ZSCAN5A: variants seen among roughly 807,000 people sequenced by gnomAD.
The protein encoded by ZSCAN5A is zinc finger and SCAN domain containing 5A.
Under a neutral mutation model 23.7 loss-of-function variants are expected in ZSCAN5A, and 12 were observed. The ratio of observed to expected loss-of-function variants is 0.51; its 90% CI spans 0.32 to 0.82. The LOEUF is 0.82. Ranked by LOEUF, ZSCAN5A falls within the 40% of genes least tolerant of loss-of-function variation. The pLI is 0.03. For missense variants in ZSCAN5A, 597 were observed against 617.9 expected (o/e 0.97, Z 0.36); for synonymous variants, 257 against 239.9 (o/e 1.07, Z -0.66).
chr19:56,246,900 C>A (rs150628535), intron 2 of ZSCAN5A: 9 of 1,607,922 alleles, frequency 5.6e-6, no homozygotes, highest in East Asian at 4.5e-5. Context: ...GCAAACCAGA[C>A]GCCACCTCCA....
chr19:56,222,440 G>C, intron 5 of ZSCAN5A, 114 bp from the exon 6 acceptor site: 2 of 1,558,028 alleles, frequency 1.3e-6, no homozygotes, highest in Non-Finnish European at 8.7e-7. Flanking sequence ...TCAAGCCTAA[G>C]ACATTGGACT....
chr19:56,225,017 A>T lies in ZSCAN5A; in HGVS notation c.30T>A (p.Ser10Arg), dbSNP rs2033773871. 6.2e-7 allele frequency: 1 copy of T among 1,610,218 alleles called. No homozygotes were observed. The highest frequency in any genetic ancestry group is 8.5e-7 in the Non-Finnish European group (1 of 1,177,714). The change falls in exon 3 of 6, where the codon AGT (serine) becomes AGA (arginine). Residue 10 changes from serine (S) to arginine (R), a missense_variant. Physicochemically the swap from Ser to Arg is moderately radical, Grantham distance 110. This residue lies in a region of ZSCAN5A where 72 missense variants were observed against 76.8 expected (regional missense o/e 0.94). Coordinates refer to ENST00000683990, the MANE Select transcript of ZSCAN5A (RefSeq NM_001322064.3). ...CAGGTCTGTTGCAGGATTCTCCTAG[A>T]CTCCATGAGGATGTGCAATTTGCAG... MAANCTSSW[S>R]LGESCNRPGL...
chr19:56,240,289 A>G (rs2035327939), intron 2 of ZSCAN5A, among the ~76,000 whole-genome samples: 1 of 152,190 alleles, frequency 6.6e-6, no homozygotes, highest in Non-Finnish European at 1.5e-5. Flanking sequence ...GGGAAAACCT[A>G]TGTTATTTGC....
At chr19:56,341,702 C>CAAAAAAAAAAAAAAA (rs1175628460) in intron 2 of ZSCAN5A, among the ~76,000 whole-genome samples, 6 of 53,782 alleles carry the variant, frequency 1.1e-4, no homozygotes, top group Admixed American at 2.7e-4. Context: ...TACCAAAAGG[C>CAAAAAAAAAAAAAAA]AAAAAAAAAA....
At chr19:56,337,805 T>TG (rs2041554563) in intron 2 of ZSCAN5A, among the ~76,000 whole-genome samples, 1 of 152,234 alleles carries the variant, frequency 6.6e-6, no homozygotes, top group Admixed American at 6.5e-5. Flanking sequence ...CCTTAACAGG[T>TG]GTGAAGTTTA....
chr19:56,224,880 G>A lies in ZSCAN5A; in HGVS notation c.167C>T (p.Ser56Leu), dbSNP rs150925266. The change falls in exon 3 of 6, where the codon TCG becomes TTG. Residue 56 changes from serine to leucine, a missense_variant. Physicochemically the swap from Ser to Leu is moderately radical, Grantham distance 145. Around this residue, in one of 5 missense-constraint regions of ZSCAN5A, gnomAD observed 72 missense variants for 76.8 expected, o/e 0.94. Transcript: ENST00000683990. ...TTTCCTCAGAGCCTGGATGGGGTCC[G>A]ACTCCTTCGGGCAGCTGAACATCCT... The part of the protein sequence containing the change: ...NFRMFSCPKE[S>L]DPIQALRKLT... 53 of 1,614,014 alleles carry A rather than the reference G, an allele frequency of 3.3e-5. No individual in the cohort carries two copies. The highest frequency in any genetic ancestry group is 1.3e-5 in the African/African-American group (1 of 74,894).
At chr19:56,361,355 G>T (rs1407127569) in intron 2 of ZSCAN5A, among the ~76,000 whole-genome samples, 1 of 152,190 alleles carries the variant, frequency 6.6e-6, no homozygotes, top group African/African-American at 2.4e-5. Context: ...CCATTATGGG[G>T]TATATACCCA....
chr19:56,306,055 G>A (rs1025496607), intron 2 of ZSCAN5A, among the ~76,000 whole-genome samples: 9 of 152,088 alleles, frequency 5.9e-5, no homozygotes, highest in South Asian at 2.1e-4. Flanking sequence ...TGGAAGATTA[G>A]AGCAAGCATT....
intron 2 of ZSCAN5A, among the ~76,000 whole-genome samples, chr19:56,269,774 C>A (rs1213513806): frequency 6.6e-6 from 1 of 152,168 alleles, no homozygotes; most frequent in Non-Finnish European, 1.5e-5. Context: ...GGAATGTGGG[C>A]AGCCTGTAGA....
In ZSCAN5A at chr19:56,224,869, G is replaced by A. The variant is rs867974029; in HGVS notation, c.178C>T (p.Gln60Ter). Reference protein sequence around the residue: ...FSCPKESDPIQALRKLTELCH... With the variant: ...FSCPKESDPI ...AGCTCAGTGAGTTTCCTCAGAGCCT[G>A]GATGGGGTCCGACTCCTTCGGGCAG... is the stretch of plus-strand genomic sequence containing the variant. The change falls in exon 3 of 6, where the codon CAG (glutamine) becomes TAG (stop). Residue 60 changes from glutamine to a stop codon, truncating the protein, a stop_gained. Coordinates refer to ENST00000683990, the MANE Select transcript of ZSCAN5A (RefSeq NM_001322064.3). LOFTEE classifies it high-confidence loss of function. 6.2e-7 allele frequency: 1 copy of A among 1,614,206 alleles called. No homozygotes were observed.
chr19:56,227,719 T>TG (rs767678945), intron 2 of ZSCAN5A, among the ~76,000 whole-genome samples: 5 of 152,318 alleles, frequency 3.3e-5, no homozygotes, highest in Non-Finnish European at 5.9e-5. Context: ...ATCAATGATT[T>TG]GATTTCACCC....
At chr19:56,247,259 G>T (rs749571498) in intron 2 of ZSCAN5A, 8 of 374,218 alleles carry the variant, frequency 2.1e-5, no homozygotes, top group Non-Finnish European at 3.5e-5. Flanking sequence ...CGGTTCAACA[G>T]GATGTTCTCC....
chr19:56,282,630 A>G, intron 2 of ZSCAN5A: 1 of 357,812 alleles, frequency 2.8e-6, no homozygotes, highest in Non-Finnish European at 3.9e-6. Flanking sequence ...TAGCGGAACT[A>G]GTAAAACCAA....
At chr19:56,323,373 C>T (rs2041399372) in intron 2 of ZSCAN5A, among the ~76,000 whole-genome samples, 1 of 151,714 alleles carries the variant, frequency 6.6e-6, no homozygotes, top group Admixed American at 6.6e-5. Context: ...AAGGTCTCAC[C>T]ATGTTGCCCA....
intron 2 of ZSCAN5A, chr19:56,228,550 T>C (rs542696312): frequency 1.4e-4 from 104 of 767,334 alleles, no homozygotes; most frequent in South Asian, 3.5e-4. Flanking sequence ...TCAGAAAATA[T>C]AGATTTGCGA....
chr19:56,308,849 C>T (rs975226362), intron 2 of ZSCAN5A, among the ~76,000 whole-genome samples: 2 of 152,168 alleles, frequency 1.3e-5, no homozygotes, highest in Non-Finnish European at 2.9e-5. Flanking sequence ...TTCTCAGGCT[C>T]TCTTCAACCA....
chr19:56,244,009 T>C lies in ZSCAN5A; in HGVS notation c.-127-18836A>G, dbSNP rs538033555. 418 of 755,800 alleles carry C rather than the reference T, an allele frequency of 5.5e-4. 8 individuals carry two copies. In the South Asian group the frequency reaches 7.0e-3, roughly 13 times the overall value. 46.8% of individuals were successfully genotyped at this position (755,800 alleles called of 1,614,324 possible). On this transcript the variant is annotated intron_variant, in intron 2 of 5. Transcript: ENST00000683990. ...TAGACACCAGCTACTGGAAGAACTT[T>C]CTCAGAGACTGACTGAAATATTCTC...
At chr19:56,236,919 G>A (rs1179049523) in intron 2 of ZSCAN5A, among the ~76,000 whole-genome samples, 3 of 148,340 alleles carry the variant, frequency 2.0e-5, no homozygotes, top group Non-Finnish European at 4.5e-5. Flanking sequence ...TCTGATGGAT[G>A]GTGGGCCAAG....
intron 2 of ZSCAN5A, among the ~76,000 whole-genome samples, chr19:56,291,349 G>T (rs2039494799): frequency 6.6e-6 from 1 of 152,164 alleles, no homozygotes; most frequent in African/African-American, 2.4e-5. Context: ...AATACCTGGG[G>T]CTTCTGTCCA....
Sources: allele counts gnomAD v4.1 joint callset (sites outside exome capture counted in the v4.1 genomes callset), GRCh38; gene constraint gnomAD v4.1.1; regional missense constraint gnomAD v4.1.1; transcripts MANE v1.5; gene names NCBI Gene and HGNC (gene_info 2026-07-23, HGNC 2026-07-21).